CCNO: variants seen among roughly 807,000 people sequenced by gnomAD.
CCNO encodes cyclin-O.
Under a neutral mutation model 23.9 loss-of-function variants are expected in CCNO, and 24 were observed. The observed-to-expected ratio is 1.00, with a 90% CI of 0.73 to 1.41. CCNO has a LOEUF of 1.41. Among genes scored for constraint, CCNO ranks in the 40% most tolerant of loss-of-function variants. The probability of loss-of-function intolerance (pLI) is 0.00; values close to 1 mark genes in which losing one functional copy is unlikely to be tolerated. For synonymous variants in CCNO, 241 were observed against 225.7 expected (o/e 1.07, Z -0.61); for missense variants, 542 against 476.2 (o/e 1.14, Z -1.29).
At position 55,231,546 on chromosome 5, in the gene CCNO, C is replaced by A; in HGVS notation, c.882G>T (p.Met294Ile). 2 of 1,613,534 alleles carry A rather than the reference C, an allele frequency of 1.2e-6. No homozygotes were observed. Among genetic ancestry groups the A allele is most frequent in the Non-Finnish European group, 1.7e-6 (2 of 1,179,990 alleles). The change falls in exon 3 of 3, where the codon ATG (methionine) becomes ATT (isoleucine). Residue 294 changes from methionine to isoleucine, a missense_variant. By Grantham distance (10) the Met-to-Ile change is conservative. Coordinates refer to ENST00000282572, the MANE Select transcript of CCNO (RefSeq NM_021147.5). ...AGTCCACGGGCCGCGAGACCCGCAG[C>A]ATGCGGTCCGCCAGCGCCAGGCAGC... ...AICCLALADRMLRVSRPVDLR... is the reference protein window; with the variant it reads ...AICCLALADRILRVSRPVDLR...
rs779563037 is a variant in CCNO, at chr5:55,233,444, G to A, written c.80C>T (p.Ala27Val). The change falls in exon 1 of 3, where the codon GCC becomes GTC. Residue 27 changes from alanine (A) to valine (V), a missense_variant. Transcript: ENST00000282572. ...GRRDNDQNLR[A>V]PVKKSRRPRL... ...CGGACGCCTGCTCTTCTTCACCGGGGCGCGAAGGTTCTGGTCGTTGTCCCG... is the reference window on the plus strand; with the variant it reads ...CGGACGCCTGCTCTTCTTCACCGGGACGCGAAGGTTCTGGTCGTTGTCCCG... 1.9e-6 allele frequency: 3 copies of A among 1,604,804 alleles called. No individual in the cohort carries two copies. Among genetic ancestry groups the A allele is most frequent in the East Asian group, 4.5e-5 (2 of 44,568 alleles).
chr5:55,233,011 T>G (rs989003320), intron 1 of CCNO, 132 bp downstream of exon 1: 39 of 940,992 alleles, frequency 4.1e-5, no homozygotes, highest in Non-Finnish European at 5.9e-5. Context: ...CACGGCCCCT[T>G]GTGCTTCGAC....
chr5:55,233,550 C>T lies in CCNO; in HGVS notation c.-27G>A. On this transcript the variant is annotated 5_prime_UTR_variant, in exon 1 of 3. Transcript: ENST00000282572. ...ATGCGGCCGGGTGGCCGCTTTACTA[C>T]CTTCAACGCCCGGGCTGCGGCGGGC... 6.7e-7 allele frequency: 1 copy of T among 1,501,218 alleles called. No homozygotes were observed. The highest frequency in any genetic ancestry group is 8.8e-7 in the Non-Finnish European group (1 of 1,132,236). 93.0% of individuals were successfully genotyped at this position (1,501,218 alleles called of 1,614,324 possible). A position where few individuals can be genotyped will look rare whatever the true frequency, so the allele number is the denominator to read the frequency against.
chr5:55,232,250 G>A lies in CCNO; in HGVS notation c.567+111C>T, dbSNP rs1183821425. On this transcript the variant is annotated intron_variant, in intron 2 of 2. Transcript: ENST00000282572. ...GCAAATGTCTGATAAAATGAGTTCTGGGAACCCAGCACTGAATCGTGCGCG... is the reference window on the plus strand; with the variant it reads ...GCAAATGTCTGATAAAATGAGTTCTAGGAACCCAGCACTGAATCGTGCGCG... 2.2e-5 allele frequency: 21 copies of A among 963,958 alleles called. No individual in the cohort carries two copies. The East Asian group carries it at 5.2e-4, about 24-fold the overall frequency. The allele number at this position is 963,958 out of a possible 1,614,324, so 59.7% of individuals were successfully genotyped here.
Position 55,231,534 on chromosome 5 carries a change from C to G in CCNO, c.894G>C (p.Ser298=). ...LALADRMLRV[S]RPVDLRLGDH... ...CTCCCAGTCGCAAGTCCACGGGCCG[C>G]GAGACCCGCAGCATGCGGTCCGCCA... The change falls in exon 3 of 3, where the codon TCG becomes TCC. Residue 298 remains serine, a synonymous_variant. Coordinates refer to ENST00000282572, the MANE Select transcript of CCNO (RefSeq NM_021147.5). The G allele has an allele frequency of 6.2e-7, 1 of 1,613,558 alleles. No individual in the cohort carries two copies. The highest frequency in any genetic ancestry group is 8.5e-7 in the Non-Finnish European group (1 of 1,179,988).
chr5:55,232,950 G>A (rs376062835), intron 1 of CCNO, 193 bp downstream of exon 1: 4 of 639,146 alleles, frequency 6.3e-6, no homozygotes, highest in Admixed American at 6.1e-5. Flanking sequence ...CCCTCAAGCC[G>A]TCTACGCCCC....
In CCNO at chr5:55,231,450, T is replaced by G; in HGVS notation, c.978A>C (p.Ile326=). ...CMGKLQLLVA[I]NSTSLTHMLP... ...GCATGTGAGTCAAGGAAGTACTGTT[T>G]ATGGCCACCAGCAGCTGCAACTTGC... Residue 326 remains isoleucine (I), a synonymous_variant, in exon 3 of 3, where the codon ATA becomes ATC. Coordinates refer to ENST00000282572, the MANE Select transcript of CCNO (RefSeq NM_021147.5). 1 of 1,614,126 alleles carries G rather than the reference T, an allele frequency of 6.2e-7. No homozygotes were observed. Among genetic ancestry groups the G allele is most frequent in the East Asian group, 2.2e-5 (1 of 44,874 alleles).
rs1473883491 is a variant in CCNO at position 55,232,383 on chromosome 5, G to A, written c.545C>T (p.Ser182Phe). The change falls in exon 2 of 3, where the codon TCC (serine) becomes TTC (phenylalanine). Residue 182 changes from serine (S) to phenylalanine (F), a missense_variant. Transcript: ENST00000282572. ...ADCFQLLGVT[S>F]LLIACKQVEV... ...TACCTGTTTGCAAGCGATGAGCAAGGAGGTGACCCCAAGCAGCTGGAAGCA... is the reference window on the plus strand; with the variant it reads ...TACCTGTTTGCAAGCGATGAGCAAGAAGGTGACCCCAAGCAGCTGGAAGCA... The A allele has an allele frequency of 3.7e-6, 6 of 1,613,802 alleles. No individual in the cohort carries two copies. The highest frequency in any genetic ancestry group is 5.1e-6 in the Non-Finnish European group (6 of 1,180,042).
rs1745666050 is a variant in CCNO, at chr5:55,233,484, C to A, written c.40G>T (p.Ala14Ser). 2 of 1,597,362 alleles carry A rather than the reference C, an allele frequency of 1.3e-6. No homozygotes were observed. The highest frequency in any genetic ancestry group is 2.7e-5 in the African/African-American group (2 of 74,672). ...TCGTTGTCCCGCCTCCCCGCTCGGG[C>A]GGCGGGGCTCGAGGGGCTGGTGGGA... Reference protein sequence around the residue: ...PCPTSPSSPAARAGRRDNDQN... With the variant: ...PCPTSPSSPASRAGRRDNDQN... The change falls in exon 1 of 3, where the codon GCC (alanine) becomes TCC (serine). Residue 14 changes from alanine (A) to serine (S), a missense_variant. Physicochemically the swap from Ala to Ser is moderately conservative, Grantham distance 99. Coordinates refer to ENST00000282572, the MANE Select transcript of CCNO (RefSeq NM_021147.5).
chr5:55,232,791 AAAGG>A (rs1229445110), intron 1 of CCNO: 1 of 592,170 alleles, frequency 1.7e-6, no homozygotes, highest in Non-Finnish European at 3.0e-6. Context: ...TCAGCAATTC[AAAGG>A]AAGGGGAGGG....
Position 55,231,465 on chromosome 5 carries a change from C to CA in CCNO, c.962_963insT (p.Gln321HisfsTer50). Reference sequence around the variant, plus strand: ...AAGTACTGTTTATGGCCACCAGCAGCTGCAACTTGCCCATACAGTCCTCCA... The same window carrying CA: ...AAGTACTGTTTATGGCCACCAGCAGCATGCAACTTGCCCATACAGTCCTCCA... On this transcript the variant is annotated frameshift_variant, in exon 3 of 3. Coordinates refer to ENST00000282572, the MANE Select transcript of CCNO (RefSeq NM_021147.5). LOFTEE classifies it high-confidence loss of function. 6.2e-7 allele frequency: 1 copy of CA among 1,614,170 alleles called. No individual in the cohort carries two copies. The highest frequency in any genetic ancestry group is 8.5e-7 in the Non-Finnish European group (1 of 1,180,046).
At position 55,232,512 on chromosome 5, in the gene CCNO, C is replaced by T; in HGVS notation, c.416G>A (p.Trp139Ter). 6.2e-7 allele frequency: 1 copy of T among 1,613,656 alleles called. No homozygotes were observed. Among genetic ancestry groups the T allele is most frequent in the Non-Finnish European group, 8.5e-7 (1 of 1,180,040 alleles). Reference sequence around the variant, plus strand: ...GAATTGGCGGTGCACCGGGATCAGCCAGCTGAGCAGCTTACAGCGGGATTC... The same window carrying T: ...GAATTGGCGGTGCACCGGGATCAGCTAGCTGAGCAGCTTACAGCGGGATTC... ...TAESRCKLLSWLIPVHRQFGL... is the reference protein window; with the variant it reads ...TAESRCKLLS Residue 139 changes from tryptophan (W) to a stop codon, truncating the protein, a stop_gained, in exon 2 of 3, where the codon TGG (tryptophan) becomes TAG (stop). Coordinates refer to ENST00000282572, the MANE Select transcript of CCNO (RefSeq NM_021147.5). LOFTEE classifies it high-confidence loss of function.
At position 55,231,845 on chromosome 5, in the gene CCNO, G is replaced by A. The variant is rs1422126052; in HGVS notation, c.583C>T (p.Pro195Ser). Reference protein sequence around the residue: ...IACKQVEVHPPRVKQLLALCC... With the variant: ...IACKQVEVHPSRVKQLLALCC... ...AGGGCCAGAAGCTGCTTCACGCGCGGCGGGTGCACCTCCACCTGCAACACA... is the reference window on the plus strand; with the variant it reads ...AGGGCCAGAAGCTGCTTCACGCGCGACGGGTGCACCTCCACCTGCAACACA... The change falls in exon 3 of 3, where the codon CCG becomes TCG. Residue 195 changes from proline (P) to serine (S), a missense_variant. Pro to Ser is a moderately conservative substitution (Grantham distance 74, BLOSUM62 -1). Coordinates refer to ENST00000282572, the MANE Select transcript of CCNO (RefSeq NM_021147.5). The A allele has an allele frequency of 6.5e-7, 1 of 1,541,814 alleles. No individual in the cohort carries two copies. Among genetic ancestry groups the A allele is most frequent in the Non-Finnish European group, 8.8e-7 (1 of 1,142,442 alleles).
chr5:55,232,582 C>G (rs1246371018), intron 1 of CCNO, 36 bp from the exon 2 acceptor site: 1 of 1,606,004 alleles, frequency 6.2e-7, no homozygotes, highest in African/African-American at 1.3e-5. Context: ...GCCCGCTGGG[C>G]TTAGGGTGGA....
intron 1 of CCNO, chr5:55,232,931 G>A (rs1305200929): frequency 1.6e-6 from 1 of 608,542 alleles, no homozygotes. Flanking sequence ...AGCTTGGGAC[G>A]GGGCAAGTCC....
Position 55,231,537 on chromosome 5 carries a change from G to A in CCNO, c.891C>T (p.Val297=). 6.2e-7 allele frequency: 1 copy of A among 1,613,534 alleles called. No individual in the cohort carries two copies. Among genetic ancestry groups the A allele is most frequent in the Non-Finnish European group, 8.5e-7 (1 of 1,179,998 alleles). Residue 297 remains valine (V), a synonymous_variant, in exon 3 of 3, where the codon GTC becomes GTT. Coordinates refer to ENST00000282572, the MANE Select transcript of CCNO (RefSeq NM_021147.5). ...CLALADRMLR[V]SRPVDLRLGD... The stretch of plus-strand genomic sequence containing the variant: ...CCAGTCGCAAGTCCACGGGCCGCGA[G>A]ACCCGCAGCATGCGGTCCGCCAGCG...
At position 55,233,267 on chromosome 5, in the gene CCNO, G is replaced by C. The variant is rs780643778; in HGVS notation, c.257C>G (p.Pro86Arg). The stretch of plus-strand genomic sequence containing the variant: ...ATCTAGCTGCGCCACGGGCTGGGCC[G>C]GGCCGGGCAGGGGGCTACCACCCCG... ...AARGGSPLPGPAQPVAQLDLQ... is the reference protein window; with the variant it reads ...AARGGSPLPGRAQPVAQLDLQ... Residue 86 changes from proline to arginine, a missense_variant, in exon 1 of 3, where the codon CCG becomes CGG. Pro to Arg is a moderately radical substitution (Grantham distance 103). Coordinates refer to ENST00000282572, the MANE Select transcript of CCNO (RefSeq NM_021147.5). 6.3e-7 allele frequency: 1 copy of C among 1,589,392 alleles called. No homozygotes were observed. The highest frequency in any genetic ancestry group is 1.3e-5 in the African/African-American group (1 of 74,822).
Position 55,233,280 on chromosome 5 carries a change from GGCTACCACCCCGC to G in CCNO, c.231_243del (p.Arg78ProfsTer12). 4 of 1,591,440 alleles carry G rather than the reference GGCTACCACCCCGC, an allele frequency of 2.5e-6. No homozygotes were observed. Among genetic ancestry groups the G allele is most frequent in the Non-Finnish European group, 3.4e-6 (4 of 1,171,108 alleles). On this transcript the variant is annotated frameshift_variant, in exon 1 of 3. Transcript: ENST00000282572. LOFTEE classifies it high-confidence loss of function. The stretch of plus-strand genomic sequence containing the variant: ...ACGGGCTGGGCCGGGCCGGGCAGGG[GGCTACCACCCCGC>G]GCCGCAGAGGGGCTCTCTGCGCCGT...
At position 55,231,722 on chromosome 5, in the gene CCNO, A is replaced by G; in HGVS notation, c.706T>C (p.Phe236Leu). Residue 236 changes from phenylalanine to leucine, a missense_variant, in exon 3 of 3, where the codon TTC (phenylalanine) becomes CTC (leucine). Phe to Leu is a conservative substitution (Grantham distance 22). Transcript: ENST00000282572. Reference protein sequence around the residue: ...FTLGAPTISFFLEHFTHARVE... With the variant: ...FTLGAPTISFLLEHFTHARVE... Reference sequence around the variant, plus strand: ...CGAGCGTGCGTGAAATGCTCCAGGAAGAAGCTAATGGTGGGCGCACCCAGG... The same window carrying G: ...CGAGCGTGCGTGAAATGCTCCAGGAGGAAGCTAATGGTGGGCGCACCCAGG... 1 of 1,578,182 alleles carries G rather than the reference A, an allele frequency of 6.3e-7. No homozygotes were observed. Among genetic ancestry groups the G allele is most frequent in the Non-Finnish European group, 8.6e-7 (1 of 1,162,486 alleles).
Sources: allele counts gnomAD v4.1 joint callset, GRCh38; gene constraint gnomAD v4.1.1; transcripts MANE v1.5; gene names NCBI Gene and HGNC (gene_info 2026-07-23, HGNC 2026-07-21).